SLC9D1: variants seen among roughly 807,000 people sequenced by gnomAD.
SLC9D1 encodes putative LAG1-interacting protein.
the SLC9D1 span, among the ~76,000 whole-genome samples, chr13:113,519,005 C>G: frequency 6.7e-6 from 1 of 150,190 alleles, no homozygotes; most frequent in Admixed American, 6.6e-5. Flanking sequence ...TAAGCCTTTT[C>G]TATCAGATTG....
the SLC9D1 span, chr13:113,510,183 G>A: frequency 6.7e-6 from 10 of 1,494,152 alleles, no homozygotes; most frequent in East Asian, 2.0e-4. Context: ...TCTGTGTGGT[G>A]TGGTCATTGC....
chr13:113,547,492 C>T, the SLC9D1 span: 3 of 839,370 alleles, frequency 3.6e-6, no homozygotes, highest in Non-Finnish European at 5.9e-6. Context: ...GGCCCTGCTC[C>T]TCATCTCGGA....
chr13:113,497,166 C>G, the SLC9D1 span, among the ~76,000 whole-genome samples: 1 of 150,504 alleles, frequency 6.6e-6, no homozygotes, highest in South Asian at 2.1e-4. Context: ...ACCTGCATCT[C>G]TGTGATAGGC....
the SLC9D1 span, chr13:113,511,905 C>T: frequency 2.0e-5 from 3 of 152,312 alleles, no homozygotes; most frequent in Non-Finnish European, 4.4e-5. Flanking sequence ...TGTATATACA[C>T]TCGGAGGTGT....
At chr13:113,510,271 A>G in the SLC9D1 span, 13 of 1,614,078 alleles carry the variant, frequency 8.1e-6, no homozygotes, top group South Asian at 2.2e-5. Flanking sequence ...GCCGTGTTAC[A>G]TGACACTGTT....
At chr13:113,512,226 C>T in the SLC9D1 span, among the ~76,000 whole-genome samples, 1 of 134,938 alleles carries the variant, frequency 7.4e-6, no homozygotes, top group Non-Finnish European at 1.6e-5. Flanking sequence ...TATATACACT[C>T]GGAGTCGCGG....
At chr13:113,501,148 A>G in the SLC9D1 span, among the ~76,000 whole-genome samples, 10 of 152,318 alleles carry the variant, frequency 6.6e-5, no homozygotes, top group South Asian at 2.1e-3. Flanking sequence ...TAGAAAACTC[A>G]GTGGAATTCT....
At chr13:113,540,887 TG>T in the SLC9D1 span, among the ~76,000 whole-genome samples, 62 of 152,216 alleles carry the variant, frequency 4.1e-4, no homozygotes, top group Non-Finnish European at 6.8e-4. Context: ...ACTTGATTTT[TG>T]TATGTGGTGT....
At chr13:113,547,976 A>G in the SLC9D1 span, among the ~76,000 whole-genome samples, 1 of 122,798 alleles carries the variant, frequency 8.1e-6, no homozygotes, top group African/African-American at 3.0e-5. Flanking sequence ...TTAAAAAGAA[A>G]TTTCCACCTT....
At chr13:113,522,644 T>C in the SLC9D1 span, among the ~76,000 whole-genome samples, 4 of 151,864 alleles carry the variant, frequency 2.6e-5, no homozygotes, top group Non-Finnish European at 5.9e-5. Flanking sequence ...CCGGCTGTTG[T>C]TGTTTTTGAG....
the SLC9D1 span, chr13:113,548,379 G>C: frequency 6.2e-7 from 1 of 1,613,662 alleles, no homozygotes; most frequent in Non-Finnish European, 8.5e-7. Context: ...GTCTCTGCGG[G>C]GCTTGCCCAG....
chr13:113,504,681 G>A, the SLC9D1 span: 1 of 152,132 alleles, frequency 6.6e-6, no homozygotes, highest in Admixed American at 6.5e-5. Flanking sequence ...CCTTTTTATG[G>A]CTGAGTAGTA....
chr13:113,496,022 A>C, the SLC9D1 span: 1 of 1,606,982 alleles, frequency 6.2e-7, no homozygotes, highest in Non-Finnish European at 8.5e-7. Flanking sequence ...AGGCTGCAAT[A>C]AAGGTCAGTC....
chr13:113,498,331 C>A, the SLC9D1 span: 1 of 1,515,808 alleles, frequency 6.6e-7, no homozygotes, highest in Non-Finnish European at 8.8e-7. Flanking sequence ...TCTTTTCTTA[C>A]AAATGAATAG....
the SLC9D1 span, among the ~76,000 whole-genome samples, chr13:113,516,767 G>T: frequency 6.6e-6 from 1 of 152,096 alleles, no homozygotes; most frequent in African/African-American, 2.4e-5. Context: ...CCTCGAAGGA[G>T]TCCAGTAAAT....
the SLC9D1 span, chr13:113,548,463 TC>T: frequency 2.5e-6 from 4 of 1,598,320 alleles, no homozygotes; most frequent in East Asian, 2.3e-5. Context: ...GTGAGTGGCT[TC>T]CCCCCGCGGA....
chr13:113,498,336 G>C, the SLC9D1 span: 1 of 1,520,838 alleles, frequency 6.6e-7, no homozygotes, highest in Middle Eastern at 1.7e-4. Flanking sequence ...TCTTACAAAT[G>C]AATAGGAAGA....
the SLC9D1 span, chr13:113,498,552 C>T: frequency 2.6e-6 from 4 of 1,516,882 alleles, no homozygotes; most frequent in South Asian, 2.6e-5. Flanking sequence ...GCTTCTTCAC[C>T]TCCTGAGCCA....
the SLC9D1 span, among the ~76,000 whole-genome samples, chr13:113,493,489 C>G: frequency 1.3e-5 from 2 of 152,266 alleles, no homozygotes; most frequent in East Asian, 3.9e-4. Context: ...AAAATAACAG[C>G]TCAGCTATAT....
Sources: gnomAD v4.1 joint callset for allele counts (sites outside exome capture counted in the v4.1 genomes callset) on GRCh38, gnomAD v4.1.1 for gene constraint, MANE v1.5 for transcripts, NCBI Gene and HGNC (gene_info 2026-07-23, HGNC 2026-07-21) for gene names.